ADGRB3: variants seen among roughly 807,000 people sequenced by gnomAD.
ADGRB3 encodes the protein brain-specific angiogenesis inhibitor 3.
A neutral mutation model predicts 193.4 loss-of-function variants in ADGRB3; 37 were observed. The observed-to-expected ratio is 0.19, with a 90% CI of 0.15 to 0.25. The LOEUF (loss-of-function observed/expected upper bound fraction) is 0.25, where lower values mean the gene tolerates loss of function less well. Among genes scored for constraint, ADGRB3 ranks in the 10% least tolerant of loss-of-function variants. ADGRB3 has a pLI of 1.00. For synonymous variants in ADGRB3, 690 were observed against 644.2 expected (o/e 1.07, Z -1.08); for missense variants, 1,637 against 1,852.9 (o/e 0.88, Z 2.14).
At chr6:68,969,679 A>G (rs1038790087) in intron 8 of ADGRB3, among the ~76,000 whole-genome samples, 1 of 152,224 alleles carries the variant, frequency 6.6e-6, no homozygotes, top group African/African-American at 2.4e-5. Context: ...AGCAAGCATC[A>G]TCCTTGACCC....
At chr6:69,228,912 G>T (rs1766077491) in intron 17 of ADGRB3, among the ~76,000 whole-genome samples, 2 of 152,114 alleles carry the variant, frequency 1.3e-5, no homozygotes, top group South Asian at 4.1e-4. Context: ...ATAAAACTAA[G>T]TGTTTGGAAA....
chr6:68,772,110 G>C (rs1766630325), intron 3 of ADGRB3, among the ~76,000 whole-genome samples: 1 of 152,112 alleles, frequency 6.6e-6, no homozygotes, highest in South Asian at 2.1e-4. Context: ...CAGGTAATCA[G>C]TTAGGAAGCT....
intron 3 of ADGRB3, among the ~76,000 whole-genome samples, chr6:68,720,490 C>G (rs927268717): frequency 6.6e-6 from 1 of 151,668 alleles, no homozygotes; most frequent in Non-Finnish European, 1.5e-5. Flanking sequence ...GTATCAGAAA[C>G]TCTAACCTCT....
intron 3 of ADGRB3, among the ~76,000 whole-genome samples, chr6:68,913,493 G>A (rs953357882): frequency 3.3e-5 from 5 of 152,328 alleles, no homozygotes; most frequent in African/African-American, 1.2e-4. Flanking sequence ...CTGTCTGTTA[G>A]AAGGAAAACT....
intron 3 of ADGRB3, among the ~76,000 whole-genome samples, chr6:68,765,309 T>C (rs1258021020): frequency 6.6e-6 from 1 of 152,134 alleles, no homozygotes; most frequent in Non-Finnish European, 1.5e-5. Context: ...TCTGTCTGTT[T>C]TGTGAAGCAG....
intron 20 of ADGRB3, among the ~76,000 whole-genome samples, chr6:69,315,627 C>T (rs187259862): frequency 6.6e-6 from 1 of 151,368 alleles, no homozygotes; most frequent in African/African-American, 2.4e-5. Flanking sequence ...TCACTGTGGT[C>T]GTCACCAAAA....
At chr6:69,110,182 G>T (rs1189931287) in intron 17 of ADGRB3, among the ~76,000 whole-genome samples, 3 of 152,064 alleles carry the variant, frequency 2.0e-5, no homozygotes, top group South Asian at 2.1e-4. Context: ...TCCTGACCTT[G>T]TAATCCACCC....
At chr6:68,734,630 T>C (rs1026350436) in intron 3 of ADGRB3, among the ~76,000 whole-genome samples, 4 of 151,924 alleles carry the variant, frequency 2.6e-5, no homozygotes, top group African/African-American at 9.7e-5. Context: ...ACTGGGAGGA[T>C]GGTAATGAAA....
chr6:69,076,092 T>G (rs1772222040), intron 17 of ADGRB3, 54 bp downstream of exon 17: 2 of 1,510,026 alleles, frequency 1.3e-6, no homozygotes, highest in Non-Finnish European at 1.8e-6. Flanking sequence ...CAAAGCACAT[T>G]AAGTTAGTTC....
intron 3 of ADGRB3, among the ~76,000 whole-genome samples, chr6:68,855,239 C>A (rs1375350413): frequency 6.6e-6 from 1 of 152,126 alleles, no homozygotes; most frequent in Non-Finnish European, 1.5e-5. Context: ...GTTTCCCAGG[C>A]CTTTTAAAGA....
Position 68,875,426 on chromosome 6 carries a change from G to A in ADGRB3, c.758-55133G>A, listed in dbSNP as rs562203882. 2.0e-5 allele frequency among the ~76,000 whole-genome samples: 3 copies of A among 151,692 alleles called. No homozygotes were observed. The East Asian group carries it at 5.8e-4, about 30-fold the overall frequency. On this transcript the variant is annotated intron_variant, in intron 3 of 31. Transcript: ENST00000370598. The stretch of plus-strand genomic sequence containing the variant: ...TGAGCCATTGCAGATAGAAACAGAT[G>A]TTTTCCCCTAGCTAATTACTAATAA...
At chr6:69,193,889 C>A (rs1765248097) in intron 17 of ADGRB3, among the ~76,000 whole-genome samples, 1 of 149,994 alleles carries the variant, frequency 6.7e-6, no homozygotes, top group Non-Finnish European at 1.5e-5. Flanking sequence ...TAGAAAAAAA[C>A]AAAATAAAGC....
At chr6:69,100,947 A>G (rs201691990) in intron 17 of ADGRB3, among the ~76,000 whole-genome samples, 3 of 678 alleles carry the variant, frequency 4.4e-3, no homozygotes, top group Non-Finnish European at 6.0e-3. Context: ...GGAAGGAAGG[A>G]AAGGAGGGAG....
intron 17 of ADGRB3, among the ~76,000 whole-genome samples, chr6:69,192,878 T>G (rs762376955): frequency 6.6e-6 from 1 of 152,152 alleles, no homozygotes; most frequent in Non-Finnish European, 1.5e-5. Flanking sequence ...TACATATATT[T>G]ATCACTATTT....
At chr6:69,207,018 C>T (rs2150359843) in intron 17 of ADGRB3, among the ~76,000 whole-genome samples, 1 of 152,266 alleles carries the variant, frequency 6.6e-6, no homozygotes, top group East Asian at 1.9e-4. Flanking sequence ...TCTTCCTGAC[C>T]TCCACTGTGG....
rs150498079 is a variant in ADGRB3, at chr6:68,742,874, A to G, written c.757+103442A>G. 2.6e-3 allele frequency among the ~76,000 whole-genome samples: 391 copies of G among 151,974 alleles called. 5 individuals are homozygous for G. The highest frequency in any genetic ancestry group is 6.5e-3 in the African/African-American group (268 of 41,542). ...AGTGGGATACATGTAATTTTAATAT[A>G]TTTTTTATAATTTTCTATTTTTTCC... is the stretch of plus-strand genomic sequence containing the variant. On this transcript the variant is annotated intron_variant, in intron 3 of 31. Transcript: ENST00000370598.
chr6:69,200,468 G>A (rs544321540), intron 17 of ADGRB3, among the ~76,000 whole-genome samples: 7 of 152,214 alleles, frequency 4.6e-5, no homozygotes, highest in African/African-American at 1.4e-4. Flanking sequence ...TTAGAAAGGA[G>A]CAAAGGCCTG....
chr6:69,377,236 T>C (rs1467964849), intron 30 of ADGRB3, among the ~76,000 whole-genome samples: 1 of 152,026 alleles, frequency 6.6e-6, no homozygotes, highest in African/African-American at 2.4e-5. Flanking sequence ...GCCCAGAGTA[T>C]GGTGCTTTGG....
intron 3 of ADGRB3, among the ~76,000 whole-genome samples, chr6:68,927,117 A>C (rs1374240897): frequency 2.0e-5 from 3 of 152,058 alleles, no homozygotes; most frequent in Non-Finnish European, 2.9e-5. Flanking sequence ...CATCAACATA[A>C]AGATATAGGA....
Sources: allele counts gnomAD v4.1 joint callset (sites outside exome capture counted in the v4.1 genomes callset), GRCh38; gene constraint gnomAD v4.1.1; transcripts MANE v1.5; gene names NCBI Gene and HGNC (gene_info 2026-07-23, HGNC 2026-07-21).